The following KBTBD2 variants were observed in gnomAD, a reference collection of about 807,000 sequenced individuals.
KBTBD2 encodes kelch repeat and BTB domain-containing protein 2.
A neutral mutation model predicts 57.1 loss-of-function variants in KBTBD2; 17 were observed. That is an observed-to-expected ratio of 0.30 (90% CI 0.20 to 0.45). The LOEUF (loss-of-function observed/expected upper bound fraction) is 0.45. Among genes scored for constraint, KBTBD2 ranks in the 20% least tolerant of loss-of-function variants. The pLI is 1.00. For synonymous variants in KBTBD2, 267 were observed against 262.7 expected (o/e 1.02, Z -0.16); for missense variants, 515 against 750.6 (o/e 0.69, Z 3.67).
chr7:32,882,069 G>C (rs965235878), intron 1 of KBTBD2, among the ~76,000 whole-genome samples: 6 of 138,060 alleles, frequency 4.3e-5, no homozygotes, highest in African/African-American at 1.5e-4. Flanking sequence ...TACTAGCAAA[G>C]ATTTTTTTTT....
intron 1 of KBTBD2, among the ~76,000 whole-genome samples, chr7:32,889,935 T>C (rs576276852): frequency 3.1e-4 from 47 of 152,376 alleles, no homozygotes; most frequent in Non-Finnish European, 5.4e-4. Flanking sequence ...AAGCTCAACA[T>C]TTCTACCAAC....
chr7:32,889,130 G>C (rs531626769), intron 1 of KBTBD2, among the ~76,000 whole-genome samples: 3 of 151,866 alleles, frequency 2.0e-5, no homozygotes, highest in African/African-American at 7.3e-5. Flanking sequence ...TGGCTAACAC[G>C]GTGAAACCCC....
At chr7:32,887,802 T>C (rs1784617972) in intron 1 of KBTBD2, among the ~76,000 whole-genome samples, 1 of 152,256 alleles carries the variant, frequency 6.6e-6, no homozygotes, top group Admixed American at 6.5e-5. Context: ...ACTTAATAGC[T>C]GTGTGGCCCT....
intron 1 of KBTBD2, among the ~76,000 whole-genome samples, chr7:32,885,813 A>G (rs559604709): frequency 8.6e-5 from 13 of 152,020 alleles, no homozygotes; most frequent in Admixed American, 4.6e-4. Context: ...CGCTCAATTC[A>G]GTGTTTTTGA....
rs377562601 is a variant in KBTBD2, at chr7:32,883,265, C to A, written c.-338-3323G>T. Among the ~76,000 whole-genome samples, 14 of 152,168 alleles carry A rather than the reference C, an allele frequency of 9.2e-5. No homozygotes were observed. In the East Asian group the frequency reaches 1.9e-3, roughly 21 times the overall value. On this transcript the variant is annotated intron_variant, in intron 1 of 3. Transcript: ENST00000304056. ...TGGTGGCTCATGCCTGTAATACTAG[C>A]TACTCTGGAGGCTGAGGCTGCTTCA...
chr7:32,869,558 T>C lies in KBTBD2; in HGVS notation c.1659A>G (p.Gln553=), dbSNP rs769299899. Residue 553 remains glutamine, a synonymous_variant, in exon 4 of 4, where the codon CAA becomes CAG. Coordinates refer to ENST00000304056, the MANE Select transcript of KBTBD2 (RefSeq NM_015483.3). ...ACCACCGGTCAAGTTCCAGGTCATA[T>C]TGGTAGGTGACGTATTTAGCTCGCT... is the stretch of plus-strand genomic sequence containing the variant. ...LNERAKYVTY[Q]YDLELDRWSL... 69 of 1,614,174 alleles carry C rather than the reference T, an allele frequency of 4.3e-5. No homozygotes were observed. The highest frequency in any genetic ancestry group is 1.6e-4 in the South Asian group (15 of 91,084).
intron 2 of KBTBD2, among the ~76,000 whole-genome samples, chr7:32,878,338 C>T (rs573618172): frequency 5.9e-5 from 9 of 151,760 alleles, no homozygotes; most frequent in African/African-American, 2.2e-4. Context: ...CCCAGCACTT[C>T]GGGAGGCCAA....
chr7:32,871,368 C>A (rs1004936442), intron 3 of KBTBD2, among the ~76,000 whole-genome samples: 2 of 152,080 alleles, frequency 1.3e-5, no homozygotes, highest in African/African-American at 4.8e-5. Flanking sequence ...CCATTCTTAT[C>A]GAGAGGTAAG....
At chr7:32,886,410 T>C (rs1344654135) in intron 1 of KBTBD2, among the ~76,000 whole-genome samples, 2 of 152,206 alleles carry the variant, frequency 1.3e-5, no homozygotes, top group Admixed American at 1.3e-4. Flanking sequence ...TACTAAATGA[T>C]TGTCAGGATT....
At chr7:32,872,437 T>C (rs113784936) in intron 3 of KBTBD2, among the ~76,000 whole-genome samples, 3 of 152,190 alleles carry the variant, frequency 2.0e-5, no homozygotes, top group African/African-American at 4.8e-5. Flanking sequence ...CCTAGCACTT[T>C]GGGAGGCCTA....
In KBTBD2 at chr7:32,870,011, G is replaced by A. The variant is rs138171496; in HGVS notation, c.1206C>T (p.Tyr402=). ...GELNRRTVER[Y]DTEKDEWTMV... ...TCGTCCACTCATCTTTCTCAGTGTC[G>A]TATCTTTCTACGGTCCTCCGATTAA... is the stretch of plus-strand genomic sequence containing the variant. Residue 402 remains tyrosine (Y), a synonymous_variant, in exon 4 of 4, where the codon TAC becomes TAT. Transcript: ENST00000304056. 162 of 1,613,988 alleles carry A rather than the reference G, an allele frequency of 1.0e-4. 1 individual carries two copies. The highest frequency in any genetic ancestry group is 6.6e-4 in the Middle Eastern group (4 of 6,084).
At chr7:32,884,472 C>T (rs1360167816) in intron 1 of KBTBD2, among the ~76,000 whole-genome samples, 3 of 151,150 alleles carry the variant, frequency 2.0e-5, no homozygotes, top group African/African-American at 4.9e-5. Context: ...GACAGATCAC[C>T]TGAGTTCAGG....
At chr7:32,888,694 C>CA (rs1229378677) in intron 1 of KBTBD2, among the ~76,000 whole-genome samples, 2,388 of 98,364 alleles carry the variant, frequency 0.024, 25 homozygotes, top group African/African-American at 0.04. Flanking sequence ...GACTCCGTCC[C>CA]AAAAAAAAAA....
rs541108394 is a variant in KBTBD2 at position 32,879,538 on chromosome 7, G to A, written c.67C>T (p.Leu23=). The part of the protein sequence containing the change: ...YAVSLLEQLK[L]FYEQQLFTDI... ...GTAAACAACTGCTGTTCATAAAACAGTTTCAACTGTTCCAACAATGACACA... is the reference window on the plus strand; with the variant it reads ...GTAAACAACTGCTGTTCATAAAACAATTTCAACTGTTCCAACAATGACACA... The change falls in exon 2 of 4, where the codon CTG becomes TTG. Residue 23 remains leucine, a synonymous_variant. Coordinates refer to ENST00000304056, the MANE Select transcript of KBTBD2 (RefSeq NM_015483.3). The A allele has an allele frequency of 1.2e-6, 2 of 1,613,498 alleles. No individual in the cohort carries two copies. Among genetic ancestry groups the A allele is most frequent in the African/African-American group, 2.7e-5 (2 of 75,026 alleles).
In KBTBD2 at chr7:32,869,201, G is replaced by A. The variant is rs1583768610; in HGVS notation, c.*144C>T. The A allele has an allele frequency of 1.7e-5, 10 of 597,890 alleles. No individual in the cohort carries two copies. In the East Asian group the frequency reaches 2.8e-4, roughly 17 times the overall value. 37.0% of individuals were successfully genotyped at this position (597,890 alleles called of 1,614,324 possible). ...ACTCACTGATATATATTATACTGAT[G>A]CAAATATTAAGTAGGGCATAAAAAT... On this transcript the variant is annotated 3_prime_UTR_variant, in exon 4 of 4. Coordinates refer to ENST00000304056, the MANE Select transcript of KBTBD2 (RefSeq NM_015483.3).
At chr7:32,871,382 A>G (rs1284043535) in intron 3 of KBTBD2, among the ~76,000 whole-genome samples, 1 of 152,238 alleles carries the variant, frequency 6.6e-6, no homozygotes, top group Non-Finnish European at 1.5e-5. Context: ...AGGTAAGATA[A>G]CAAAGCAACA....
rs1477757978 is a variant in KBTBD2, at chr7:32,891,554, A to T, written c.-357T>A. The stretch of plus-strand genomic sequence containing the variant: ...TGCTCACCCGCGTCCCTCGGTCCGG[A>T]GGTGTGGGATCCGCTCCAGCCGGTG... On this transcript the variant is annotated 5_prime_UTR_variant, in exon 1 of 4. Coordinates refer to ENST00000304056, the MANE Select transcript of KBTBD2 (RefSeq NM_015483.3). The T allele has an allele frequency of 6.7e-6, 1 of 149,142 alleles. No individual in the cohort carries two copies. Among genetic ancestry groups the T allele is most frequent in the Non-Finnish European group, 1.5e-5 (1 of 67,352 alleles). The allele number at this position is 149,142 out of a possible 1,614,324, so 9.2% of individuals were successfully genotyped here.
chr7:32,873,079 CTTTGATCTA>C (rs1282998378), intron 3 of KBTBD2, among the ~76,000 whole-genome samples: 1 of 152,036 alleles, frequency 6.6e-6, no homozygotes, highest in Non-Finnish European at 1.5e-5. Flanking sequence ...CAAATTTAAC[CTTTGATCTA>C]AAGGTTCTCC....
At chr7:32,875,849 AG>A (rs1055459952) in intron 2 of KBTBD2, among the ~76,000 whole-genome samples, 1 of 152,234 alleles carries the variant, frequency 6.6e-6, no homozygotes, top group African/African-American at 2.4e-5. Flanking sequence ...AGGAAAATAT[AG>A]AGACAGAAGG....
Sources: allele counts gnomAD v4.1 joint callset (sites outside exome capture counted in the v4.1 genomes callset), GRCh38; gene constraint gnomAD v4.1.1; transcripts MANE v1.5; gene names NCBI Gene and HGNC (gene_info 2026-07-23, HGNC 2026-07-21).